Variants in ATP12A observed in about 807,000 individuals in gnomAD.
ATP12A encodes the protein potassium-transporting ATPase alpha chain 2.
A neutral mutation model predicts 111.2 loss-of-function variants in ATP12A; 81 were observed. The observed-to-expected ratio is 0.73, with a 90% CI of 0.61 to 0.88. The LOEUF is 0.88. ATP12A is among the 40% of genes least tolerant of loss of function. The probability of loss-of-function intolerance (pLI) is 0.00; values close to 1 mark genes in which losing one functional copy is unlikely to be tolerated. For synonymous variants in ATP12A, 498 were observed against 499.8 expected (o/e 1.00, Z 0.05); for missense variants, 1,196 against 1,313.1 (o/e 0.91, Z 1.38).
At chr13:24,707,235 G>C (rs1313415055) in intron 16 of ATP12A, 44 bp downstream of exon 16, 4 of 1,613,420 alleles carry the variant, frequency 2.5e-6, no homozygotes, top group Admixed American at 3.3e-5. Context: ...AGGGTGGTCT[G>C]GGGGACTAGA....
Position 24,710,492 on chromosome 13 carries a change from G to A in ATP12A, c.2796G>A (p.Thr932=), listed in dbSNP as rs762851623. 6.8e-6 allele frequency: 11 copies of A among 1,614,132 alleles called. 1 individual carries two copies. Among genetic ancestry groups the A allele is most frequent in the Middle Eastern group, 3.3e-4 (2 of 6,062 alleles). The change falls in exon 20 of 23, where the codon ACG becomes ACA. Residue 932 remains threonine (T), a synonymous_variant. Coordinates refer to ENST00000381946, the MANE Select transcript of ATP12A (RefSeq NM_001676.7). ...ACCAGAGGGAATACCTAGAATGGAC[G>A]GGCTACACGGCTTTCTTTGTTGGCA... ...TRYQREYLEW[T]GYTAFFVGIL...
chr13:24,695,436 C>T (rs550064081), intron 11 of ATP12A, among the ~76,000 whole-genome samples: 15 of 152,244 alleles, frequency 9.9e-5, no homozygotes, highest in Admixed American at 2.6e-4. Context: ...AGCCCCAGGT[C>T]CCCATGCAGA....
chr13:24,692,113 C>T (rs984735656), intron 8 of ATP12A, among the ~76,000 whole-genome samples: 21 of 152,132 alleles, frequency 1.4e-4, no homozygotes, highest in African/African-American at 4.6e-4. Context: ...CAGGAGGCGT[C>T]GTGATTGTAC....
At chr13:24,708,085 C>T (rs865865742) in intron 17 of ATP12A, among the ~76,000 whole-genome samples, 2 of 152,278 alleles carry the variant, frequency 1.3e-5, no homozygotes, top group African/African-American at 4.8e-5. Context: ...CCCAAATAAC[C>T]ACTGGGGGCC....
intron 2 of ATP12A, among the ~76,000 whole-genome samples, chr13:24,683,602 C>T (rs1874561358): frequency 1.3e-5 from 2 of 150,248 alleles, no homozygotes; most frequent in African/African-American, 4.9e-5. Flanking sequence ...GGCATTTGTC[C>T]GTATCTATCA....
Position 24,680,722 on chromosome 13 carries a change from C to T in ATP12A, c.-22C>T. On this transcript the variant is annotated 5_prime_UTR_variant, in exon 1 of 23. Transcript: ENST00000381946. ...CCGGATCCGCGCTCCACGCCCGCAG[C>T]CCGCGGCGCCACCAGCCCAGCATGC... is the stretch of plus-strand genomic sequence containing the variant. 6.7e-7 allele frequency: 1 copy of T among 1,501,748 alleles called. No individual in the cohort carries two copies. Among genetic ancestry groups the T allele is most frequent in the African/African-American group, 1.5e-5 (1 of 68,916 alleles). 93.0% of individuals were successfully genotyped at this position (1,501,748 alleles called of 1,614,324 possible). A position where few individuals can be genotyped will look rare whatever the true frequency, so the allele number is the denominator to read the frequency against.
intron 10 of ATP12A, among the ~76,000 whole-genome samples, chr13:24,693,962 T>G (rs755331045): frequency 1.3e-5 from 2 of 152,218 alleles, no homozygotes; most frequent in Non-Finnish European, 2.9e-5. Flanking sequence ...GGTGCTTTTA[T>G]AGTCACTTAA....
Position 24,711,748 on chromosome 13 carries a change from T to C in ATP12A, c.*226T>C. On this transcript the variant is annotated 3_prime_UTR_variant, in exon 23 of 23. Coordinates refer to ENST00000381946, the MANE Select transcript of ATP12A (RefSeq NM_001676.7). ...TTCTTTTCTATCTCCATCTCCTCAT[T>C]AAAAAATACGTACATTTCGAGGTAA... 2 of 602,028 alleles carry C rather than the reference T, an allele frequency of 3.3e-6. No individual in the cohort carries two copies. Among genetic ancestry groups the C allele is most frequent in the African/African-American group, 1.9e-5 (1 of 53,944 alleles). The allele number at this position is 602,028 out of a possible 1,614,324, so 37.3% of individuals were successfully genotyped here.
rs1874633972 is a variant in ATP12A, at chr13:24,685,463, A to G, written c.228+90A>G. 4 of 1,386,290 alleles carry G rather than the reference A, an allele frequency of 2.9e-6. No individual in the cohort carries two copies. The South Asian group carries it at 3.5e-5, about 12-fold the overall frequency. The allele number at this position is 1,386,290 out of a possible 1,614,324, so 85.9% of individuals were successfully genotyped here. ...GTGGCGGGGGGCTGTGTGGAAGAGT[A>G]GCGGCACCTTTAGGAGGAGGGGCCC... On this transcript the variant is annotated intron_variant, in intron 3 of 22. Coordinates refer to ENST00000381946, the MANE Select transcript of ATP12A (RefSeq NM_001676.7). This position sits in a 1 kb window ranked among gnomAD's most constrained non-coding sequence, Gnocchi z 5.5.
Position 24,692,527 on chromosome 13 carries a change from C to T in ATP12A, c.1167C>T (p.Cys389=). 1.2e-6 allele frequency: 2 copies of T among 1,614,028 alleles called. No individual in the cohort carries two copies. The highest frequency in any genetic ancestry group is 1.7e-6 in the Non-Finnish European group (2 of 1,180,038). The change falls in exon 9 of 23, where the codon TGC becomes TGT. Residue 389 remains cysteine (C), a synonymous_variant. Transcript: ENST00000381946. ...VETLGSTSII[C]SDKTGTLTQN... ...CCCTCGGCTCCACCTCCATCATCTG[C>T]TCGGACAAGACTGGGACACTGACCC...
At chr13:24,699,514 G>A (rs1027630027) in intron 12 of ATP12A, among the ~76,000 whole-genome samples, 2 of 152,244 alleles carry the variant, frequency 1.3e-5, no homozygotes, top group African/African-American at 4.8e-5. Context: ...GATGGGAATG[G>A]GAAGGAGAGA....
rs1378965940 is a variant in ATP12A at position 24,706,923 on chromosome 13, C to G, written c.2170-100C>G. The G allele has an allele frequency of 7.4e-6, 10 of 1,345,296 alleles. No homozygotes were observed. In the East Asian group the frequency reaches 9.4e-5, roughly 13 times the overall value. The allele number at this position is 1,345,296 out of a possible 1,614,324, so 83.3% of individuals were successfully genotyped here. A position where few individuals can be genotyped will look rare whatever the true frequency, so the allele number is the denominator to read the frequency against. ...GCCTTTCCGTTCAGCTATAATCATC[C>G]TCGCAACCTCAAGAGAAAGGGAAGT... On this transcript the variant is annotated intron_variant, in intron 15 of 22. Coordinates refer to ENST00000381946, the MANE Select transcript of ATP12A (RefSeq NM_001676.7).
At chr13:24,687,365 G>A (rs1194246740) in intron 3 of ATP12A, among the ~76,000 whole-genome samples, 1 of 152,142 alleles carries the variant, frequency 6.6e-6, no homozygotes, top group South Asian at 2.1e-4. Flanking sequence ...TTGGGAGGCT[G>A]AGGCAGGAGA....
chr13:24,680,717 C>A lies in ATP12A; in HGVS notation c.-27C>A. The A allele has an allele frequency of 6.7e-7, 1 of 1,501,776 alleles. No individual in the cohort carries two copies. The allele number at this position is 1,501,776 out of a possible 1,614,324, so 93.0% of individuals were successfully genotyped here. A position where few individuals can be genotyped will look rare whatever the true frequency, so the allele number is the denominator to read the frequency against. ...CGGTCCCGGATCCGCGCTCCACGCC[C>A]GCAGCCCGCGGCGCCACCAGCCCAG... On this transcript the variant is annotated 5_prime_UTR_variant, in exon 1 of 23. Transcript: ENST00000381946.
rs572114890 is a variant in ATP12A, at chr13:24,709,820, C to T, written c.2755C>T (p.Gln919Ter). 12 of 1,614,120 alleles carry T rather than the reference C, an allele frequency of 7.4e-6. No homozygotes were observed. The Admixed American group carries it at 1.5e-4, about 20-fold the overall frequency. ...GAATGACTTGAAAGACAGCTATGGG[C>T]AGGAATGGGTGAGTGGCGGGAGCCC... ...YVNDLKDSYGQEWTRYQREYL... is the reference protein window; with the variant it reads ...YVNDLKDSYG Residue 919 changes from glutamine (Q) to a stop codon, truncating the protein, a stop_gained, in exon 19 of 23, where the codon CAG (glutamine) becomes TAG (stop). Coordinates refer to ENST00000381946, the MANE Select transcript of ATP12A (RefSeq NM_001676.7). LOFTEE classifies it high-confidence loss of function.
At chr13:24,699,208 G>T (rs1875294293) in intron 12 of ATP12A, among the ~76,000 whole-genome samples, 1 of 152,204 alleles carries the variant, frequency 6.6e-6, no homozygotes, top group African/African-American at 2.4e-5. Context: ...GCCAGCAGGT[G>T]AGATGGCACT....
intron 12 of ATP12A, among the ~76,000 whole-genome samples, chr13:24,699,543 T>C (rs1450236070): frequency 6.6e-6 from 1 of 152,142 alleles, no homozygotes; most frequent in Non-Finnish European, 1.5e-5. Context: ...AGAGACTTCA[T>C]AGAGGTAGAG....
chr13:24,710,345 A>C, intron 19 of ATP12A, 115 bp from the exon 20 acceptor site: 3 of 1,304,658 alleles, frequency 2.3e-6, no homozygotes, highest in Non-Finnish European at 3.2e-6. Flanking sequence ...AAGGTGGTCC[A>C]TTCTCAGTCC....
At chr13:24,704,920 A>G (rs1021086978) in intron 14 of ATP12A, 12 of 152,404 alleles carry the variant, frequency 7.9e-5, no homozygotes, top group African/African-American at 2.9e-4. Flanking sequence ...CATCAGCTCT[A>G]GTTTCATGAC....
Sources: allele counts gnomAD v4.1 joint callset (sites outside exome capture counted in the v4.1 genomes callset), GRCh38; gene constraint gnomAD v4.1.1; non-coding constraint Gnocchi (gnomAD v3.1); transcripts MANE v1.5; gene names NCBI Gene and HGNC (gene_info 2026-07-23, HGNC 2026-07-21).